CYB5R3: variants seen among roughly 807,000 people sequenced by gnomAD.
CYB5R3 encodes NADH-cytochrome b5 reductase 3.
CYB5R3 carries 28 observed loss-of-function variants against 36.5 expected under a neutral mutation model. The observed-to-expected ratio is 0.77, with a 90% CI of 0.57 to 1.05. The LOEUF is 1.05. Ranked by LOEUF, CYB5R3 falls within the 50% of genes least tolerant of loss-of-function variation. The pLI, the probability that CYB5R3 is intolerant of heterozygous loss-of-function variation, is 0.00. For missense variants in CYB5R3, 474 were observed against 408.9 expected, an observed-to-expected ratio of 1.16 and a Z score of -1.37; for synonymous variants, 181 against 159.8, an observed-to-expected ratio of 1.13 and a Z score of -1.00.
chr22:42,620,019 C>T (rs1601925534), intron 8 of CYB5R3, 74 bp from the exon 9 acceptor site: 14 of 1,372,974 alleles, frequency 1.0e-5, no homozygotes, highest in South Asian at 7.4e-5. Context: ...CAACCCTAGG[C>T]GGTGAATTCC....
intron 1 of CYB5R3, among the ~76,000 whole-genome samples, chr22:42,646,150 G>T (rs1929525661): frequency 6.6e-6 from 1 of 152,148 alleles, no homozygotes; most frequent in Admixed American, 6.5e-5. Flanking sequence ...TAAACAGAAG[G>T]CAGGTGGCTG....
Position 42,619,731 on chromosome 22 carries a change from T to TG in CYB5R3, c.*41dup. 1 of 1,531,718 alleles carries TG rather than the reference T, an allele frequency of 6.5e-7. No individual in the cohort carries two copies. Among genetic ancestry groups the TG allele is most frequent in the Non-Finnish European group, 8.8e-7 (1 of 1,140,742 alleles). The allele number at this position is 1,531,718 out of a possible 1,614,324, so 94.9% of individuals were successfully genotyped here. ...TGACTGGGTGAGCGTGAACAGGGCG[T>TG]GGGGTGCGCGGGGCGGGTGGCCGTG... is the stretch of plus-strand genomic sequence containing the variant. On this transcript the variant is annotated 3_prime_UTR_variant, in exon 9 of 9. Transcript: ENST00000352397.
At chr22:42,649,181 C>T in intron 1 of CYB5R3, 114 bp downstream of exon 1, 3 of 363,962 alleles carry the variant, frequency 8.2e-6, no homozygotes, top group African/African-American at 2.2e-5. Flanking sequence ...GAAGTGGGTG[C>T]GGCCGGGTGC....
intron 6 of CYB5R3, 98 bp from the exon 7 acceptor site, chr22:42,627,487 T>C: frequency 6.8e-7 from 1 of 1,463,740 alleles, no homozygotes; most frequent in South Asian, 1.1e-5. Context: ...CCAGGACCAC[T>C]GGGCCTGGGC....
At chr22:42,645,751 T>C (rs540665209) in intron 1 of CYB5R3, among the ~76,000 whole-genome samples, 1 of 152,310 alleles carries the variant, frequency 6.6e-6, no homozygotes, top group South Asian at 2.1e-4. Context: ...CCGGGGACAC[T>C]TTCTGGCCAC....
intron 7 of CYB5R3, among the ~76,000 whole-genome samples, chr22:42,626,551 A>G (rs1434654605): frequency 6.6e-6 from 1 of 152,178 alleles, no homozygotes; most frequent in Non-Finnish European, 1.5e-5. Flanking sequence ...CACACCAGCC[A>G]GCTTAGAATT....
chr22:42,636,665 C>G, intron 2 of CYB5R3, 50 bp downstream of exon 2: 1 of 1,600,054 alleles, frequency 6.2e-7, no homozygotes, highest in Non-Finnish European at 8.5e-7. Flanking sequence ...AGAGTAGGTG[C>G]TGGGCAATGC....
chr22:42,636,900 C>T (rs1282027590), intron 1 of CYB5R3, 54 bp from the exon 2 acceptor site: 23 of 1,593,864 alleles, frequency 1.4e-5, no homozygotes, highest in Admixed American at 3.5e-5. Flanking sequence ...TCCCCAAACA[C>T]ACCGGCTTGT....
At chr22:42,625,937 T>C (rs993499134) in intron 7 of CYB5R3, among the ~76,000 whole-genome samples, 7 of 152,212 alleles carry the variant, frequency 4.6e-5, no homozygotes, top group African/African-American at 1.7e-4. Context: ...CACAGGAATC[T>C]AGCTGTCCTA....
At chr22:42,623,958 A>T (rs1928125864) in intron 7 of CYB5R3, 70 bp from the exon 8 acceptor site, 2 of 1,392,442 alleles carry the variant, frequency 1.4e-6, no homozygotes, top group East Asian at 4.6e-5. Context: ...CTCAACAGAG[A>T]CGCGCCTCGT....
At chr22:42,620,045 TG>T in intron 8 of CYB5R3, 100 bp from the exon 9 acceptor site, 1 of 1,169,682 alleles carries the variant, frequency 8.5e-7, no homozygotes. Flanking sequence ...TGCTGAAGAA[TG>T]GAGAGGCTGA....
At position 42,628,200 on chromosome 22, in the gene CYB5R3, T is replaced by C; in HGVS notation, c.415A>G (p.Thr139Ala). Residue 139 changes from threonine to alanine, a missense_variant, in exon 5 of 9, where the codon ACC (threonine) becomes GCC (alanine). Transcript: ENST00000352397. ...QYLESMQIGD[T>A]IEFRGPSGLL... ...CCACTGGGGCCCCGGAACTCAATGG[T>C]GTCTCCAATCTGCATGCTCTCCAGG... is the stretch of plus-strand genomic sequence containing the variant. 6.2e-7 allele frequency: 1 copy of C among 1,614,024 alleles called. No individual in the cohort carries two copies. The highest frequency in any genetic ancestry group is 8.5e-7 in the Non-Finnish European group (1 of 1,179,950).
intron 1 of CYB5R3, chr22:42,639,842 ACT>A: frequency 9.5e-7 from 1 of 1,051,760 alleles, no homozygotes; most frequent in Admixed American, 3.6e-5. Flanking sequence ...TGCTTGATTC[ACT>A]TTTTTTTTTT....
At chr22:42,628,394 G>A in intron 4 of CYB5R3, 113 bp from the exon 5 acceptor site, 3 of 1,386,566 alleles carry the variant, frequency 2.2e-6, no homozygotes, top group Non-Finnish European at 2.0e-6. Context: ...GCCCACACAT[G>A]GCCTTCTCCC....
chr22:42,646,372 G>A (rs1929538490), intron 1 of CYB5R3, among the ~76,000 whole-genome samples: 2 of 152,126 alleles, frequency 1.3e-5, no homozygotes, highest in African/African-American at 4.8e-5. Flanking sequence ...GAGGGGAAGA[G>A]GGACACAGGG....
intron 1 of CYB5R3, among the ~76,000 whole-genome samples, chr22:42,645,166 G>A (rs1277163330): frequency 1.3e-5 from 2 of 152,172 alleles, no homozygotes; most frequent in African/African-American, 4.8e-5. Context: ...ACCCCAGGCT[G>A]CCGGCTCCCC....
intron 1 of CYB5R3, among the ~76,000 whole-genome samples, chr22:42,642,752 A>T (rs1929346823): frequency 6.6e-6 from 1 of 152,216 alleles, no homozygotes. Flanking sequence ...ATTTGAAATT[A>T]TTTCAAAATA....
intron 1 of CYB5R3, chr22:42,638,958 T>C (rs896041408): frequency 2.6e-5 from 9 of 342,306 alleles, no homozygotes; most frequent in Non-Finnish European, 4.6e-5. Context: ...TGCTTGAAGC[T>C]AGGAGATGGA....
chr22:42,631,033 G>A (rs372620703), intron 3 of CYB5R3, 45 bp from the exon 4 acceptor site: 46 of 1,551,206 alleles, frequency 3.0e-5, no homozygotes, highest in Middle Eastern at 1.7e-4. Flanking sequence ...ATCATCCTGC[G>A]GGTGACCCCT....
Sources: allele counts gnomAD v4.1 joint callset (sites outside exome capture counted in the v4.1 genomes callset), GRCh38; gene constraint gnomAD v4.1.1; transcripts MANE v1.5; gene names NCBI Gene and HGNC (gene_info 2026-07-23, HGNC 2026-07-21).